ZBTB38: variants seen among roughly 807,000 people sequenced by gnomAD.
The protein encoded by ZBTB38 is zinc finger and BTB domain-containing protein 38.
In ZBTB38, 20 loss-of-function variants were observed where a neutral mutation model predicts 76.8. The ratio of observed to expected loss-of-function variants is 0.26; its 90% CI spans 0.18 to 0.38. The LOEUF is 0.38. ZBTB38 is among the 10% of genes least tolerant of loss of function. The probability of loss-of-function intolerance (pLI) is 1.00; values close to 1 mark genes in which losing one functional copy is unlikely to be tolerated. For synonymous variants in ZBTB38, 504 were observed against 544.2 expected, an observed-to-expected ratio of 0.93 and a Z score of 1.03; for missense variants, 1,082 against 1,482.3, an observed-to-expected ratio of 0.73 and a Z score of 4.43.
rs80072610 is a variant in ZBTB38 at position 141,371,049 on chromosome 3, T to C, written c.-235+1103T>C. ...TTTCTTTTCTTTTCTTTCTTTCTTT[T>C]TTTTTTTTTTTTTTTTTTTTTTGAG... On this transcript the variant is annotated intron_variant, in intron 2 of 5. Coordinates refer to ENST00000321464, the MANE Select transcript of ZBTB38 (RefSeq NM_001376113.1). Among the ~76,000 whole-genome samples, 224 of 111,076 alleles carry C rather than the reference T, an allele frequency of 2.0e-3. 2 individuals carry two copies. The highest frequency in any genetic ancestry group is 0.015 in the East Asian group (60 of 3,914). The allele number at this position is 111,076 out of a possible 152,430, so 72.9% of individuals were successfully genotyped here.
intron 5 of ZBTB38, among the ~76,000 whole-genome samples, chr3:141,411,554 G>T (rs753902840): frequency 6.6e-6 from 1 of 152,334 alleles, no homozygotes; most frequent in East Asian, 1.9e-4. Context: ...GCTTTAATGG[G>T]AGGGGACAGA....
chr3:141,426,962 T>C (rs1452591032), intron 5 of ZBTB38, among the ~76,000 whole-genome samples: 1 of 152,078 alleles, frequency 6.6e-6, no homozygotes, highest in East Asian at 1.9e-4. Context: ...GCAATGTCGA[T>C]TTGTGTGTGG....
At chr3:141,364,844 T>A (rs1236299238), upstream of ZBTB38, among the ~76,000 whole-genome samples, 1 of 152,014 alleles carries the variant, frequency 6.6e-6, no homozygotes, top group Admixed American at 6.6e-5. Context: ...CAATGAGATA[T>A]CACATTGTAC....
At position 141,385,124 on chromosome 3, in the gene ZBTB38, G is replaced by A. The variant is rs115766953; in HGVS notation, c.-171-1748G>A. 9.4e-3 allele frequency among the ~76,000 whole-genome samples: 1,437 copies of A among 152,296 alleles called. 32 individuals carry two copies. The highest frequency in any genetic ancestry group is 0.033 in the African/African-American group (1,384 of 41,544). On this transcript the variant is annotated intron_variant, in intron 3 of 5. Coordinates refer to ENST00000321464, the MANE Select transcript of ZBTB38 (RefSeq NM_001376113.1). Reference sequence around the variant, plus strand: ...TTGCTAACCTGATTATTTTCAGCCAGTCCTTACAGAAGATTGAGGTGCTGG... The same window carrying A: ...TTGCTAACCTGATTATTTTCAGCCAATCCTTACAGAAGATTGAGGTGCTGG...
intron 1 of ZBTB38, among the ~76,000 whole-genome samples, chr3:141,347,810 A>G (rs1048170156): frequency 2.0e-5 from 3 of 152,220 alleles, no homozygotes; most frequent in Non-Finnish European, 2.9e-5. Context: ...TGGTAACACC[A>G]TCTCCTCCAA....
intron 5 of ZBTB38, among the ~76,000 whole-genome samples, chr3:141,422,097 C>T (rs965918340): frequency 6.6e-6 from 1 of 152,214 alleles, no homozygotes; most frequent in Non-Finnish European, 1.5e-5. Context: ...TGCCTTGGGG[C>T]ATTCACTTTT....
intron 5 of ZBTB38, among the ~76,000 whole-genome samples, chr3:141,417,108 A>G (rs2074233591): frequency 6.6e-6 from 1 of 152,244 alleles, no homozygotes. Context: ...CTGGAGTGGC[A>G]CGAAGAAATG....
At chr3:141,355,498 G>A (rs940263729) in intron 1 of ZBTB38, among the ~76,000 whole-genome samples, 4 of 152,016 alleles carry the variant, frequency 2.6e-5, no homozygotes, top group Admixed American at 2.6e-4. Flanking sequence ...CCCTCTAGGG[G>A]GCCATGGAAA....
chr3:141,338,122 T>C (rs368265889), intron 1 of ZBTB38, among the ~76,000 whole-genome samples: 35 of 152,118 alleles, frequency 2.3e-4, no homozygotes, highest in East Asian at 1.9e-3. Context: ...CTGGCTATTA[T>C]TAAAAAGTCT....
In ZBTB38 at chr3:141,444,238, A is replaced by G. The variant is rs2080783232; in HGVS notation, c.1850A>G (p.Asn617Ser). 1.2e-6 allele frequency: 2 copies of G among 1,614,212 alleles called. No individual in the cohort carries two copies. Among genetic ancestry groups the G allele is most frequent in the Non-Finnish European group, 1.7e-6 (2 of 1,180,028 alleles). ...NPHSSELPTL[N>S]FQDTVNTLTN... is the part of the protein sequence containing the mutation. ...CACAGCTCTGAATTACCAACGCTGAATTTCCAAGATACTGTAAACACCCTG... is the reference window on the plus strand; with the variant it reads ...CACAGCTCTGAATTACCAACGCTGAGTTTCCAAGATACTGTAAACACCCTG... The change falls in exon 6 of 6, where the codon AAT (asparagine) becomes AGT (serine). Residue 617 changes from asparagine to serine, a missense_variant. Physicochemically the swap from Asn to Ser is conservative, Grantham distance 46. Coordinates refer to ENST00000321464, the MANE Select transcript of ZBTB38 (RefSeq NM_001376113.1). This position sits in a 1 kb window ranked among gnomAD's most constrained non-coding sequence, Gnocchi z 5.1.
intron 1 of ZBTB38, among the ~76,000 whole-genome samples, chr3:141,333,114 CT>C (rs1316126572): frequency 6.6e-6 from 1 of 152,160 alleles, no homozygotes; most frequent in Non-Finnish European, 1.5e-5. Flanking sequence ...GATCTGGCTC[CT>C]TTGTAAAATC....
At chr3:141,375,633 G>A (rs1285921766) in intron 2 of ZBTB38, among the ~76,000 whole-genome samples, 2 of 152,254 alleles carry the variant, frequency 1.3e-5, no homozygotes, top group Admixed American at 1.3e-4. Context: ...CAAGAGCAGA[G>A]TAGGAGGTGG....
intron 1 of ZBTB38, among the ~76,000 whole-genome samples, chr3:141,330,632 G>C (rs895120734): frequency 3.3e-5 from 5 of 152,250 alleles, no homozygotes; most frequent in African/African-American, 1.2e-4. Context: ...ATGCACTGCT[G>C]TGGTTTGAAT....
intron 5 of ZBTB38, among the ~76,000 whole-genome samples, chr3:141,421,017 G>GA (rs551301024): frequency 0.02 from 2,573 of 131,418 alleles, 62 homozygotes; most frequent in African/African-American, 0.059. Flanking sequence ...AGAAGTTCAG[G>GA]AAAAAAAAAA....
intron 1 of ZBTB38, among the ~76,000 whole-genome samples, chr3:141,327,861 T>C (rs1405064949): frequency 6.6e-6 from 1 of 152,186 alleles, no homozygotes; most frequent in Non-Finnish European, 1.5e-5. Context: ...TAAAAATATA[T>C]AAAGCTAATT....
upstream of ZBTB38, chr3:141,366,148 A>T (rs1432745871): frequency 6.6e-6 from 1 of 152,246 alleles, no homozygotes; most frequent in Non-Finnish European, 1.5e-5. Flanking sequence ...TGTTAGTATC[A>T]ACCCCAGAGC....
intron 5 of ZBTB38, among the ~76,000 whole-genome samples, chr3:141,407,663 A>C (rs1955031902): frequency 6.6e-6 from 1 of 152,230 alleles, no homozygotes; most frequent in African/African-American, 2.4e-5. Flanking sequence ...ACTTGTCAAA[A>C]TGTAGATTCC....
Position 141,443,506 on chromosome 3 carries a change from G to A in ZBTB38, c.1118G>A (p.Cys373Tyr). Residue 373 changes from cysteine (C) to tyrosine (Y), a missense_variant, in exon 6 of 6, where the codon TGC becomes TAC. Coordinates refer to ENST00000321464, the MANE Select transcript of ZBTB38 (RefSeq NM_001376113.1). The surrounding 1 kb of genome is among the most constrained non-coding windows in gnomAD (Gnocchi z 5.6). ...LHKPTQEPLVCKYCNKQFTTL... is the reference protein window; with the variant it reads ...LHKPTQEPLVYKYCNKQFTTL... The stretch of plus-strand genomic sequence containing the variant: ...AAGCCAACCCAGGAGCCTTTAGTGT[G>A]CAAGTATTGCAACAAACAATTCACC... 5 of 1,614,182 alleles carry A rather than the reference G, an allele frequency of 3.1e-6. No homozygotes were observed. Among genetic ancestry groups the A allele is most frequent in the Non-Finnish European group, 4.2e-6 (5 of 1,180,042 alleles).
intron 5 of ZBTB38, among the ~76,000 whole-genome samples, chr3:141,441,556 G>A (rs1053827580): frequency 1.3e-5 from 2 of 152,330 alleles, no homozygotes; most frequent in African/African-American, 4.8e-5. Context: ...GCAGAGAGGC[G>A]GGGGTGCCCC....
Sources: gnomAD v4.1 joint callset for allele counts (sites outside exome capture counted in the v4.1 genomes callset) on GRCh38, gnomAD v4.1.1 for gene constraint, Gnocchi (gnomAD v3.1) non-coding constraint, MANE v1.5 for transcripts, NCBI Gene and HGNC (gene_info 2026-07-23, HGNC 2026-07-21) for gene names.